Variants in ICAM1 observed in about 807,000 individuals in gnomAD.
The protein encoded by ICAM1 is intercellular adhesion molecule 1.
Under a neutral mutation model 42.3 loss-of-function variants are expected in ICAM1, and 28 were observed. The observed-to-expected ratio is 0.66, with a 90% CI of 0.49 to 0.91. The LOEUF (loss-of-function observed/expected upper bound fraction) is 0.91. Ranked by LOEUF, ICAM1 falls within the 40% of genes least tolerant of loss-of-function variation. The probability of loss-of-function intolerance (pLI) is 0.00; values close to 1 mark genes in which losing one functional copy is unlikely to be tolerated. For synonymous variants in ICAM1, 304 were observed against 305.9 expected, an observed-to-expected ratio of 0.99 and a Z score of 0.07; for missense variants, 637 against 688.6, an observed-to-expected ratio of 0.93 and a Z score of 0.84.
chr19:10,277,463 C>A (rs5030357), intron 2 of ICAM1, among the ~76,000 whole-genome samples: 8 of 149,518 alleles, frequency 5.4e-5, no homozygotes, highest in Non-Finnish European at 8.9e-5. Flanking sequence ...ACAACGTGAG[C>A]CACTTTGCCT....
At chr19:10,275,864 T>C (rs1485571067) in intron 2 of ICAM1, among the ~76,000 whole-genome samples, 5 of 151,562 alleles carry the variant, frequency 3.3e-5, no homozygotes, top group Admixed American at 6.6e-5. Context: ...CCTGCCACCA[T>C]GCCCGGCTCA....
chr19:10,272,946 G>A (rs2039992796), intron 1 of ICAM1, among the ~76,000 whole-genome samples: 1 of 152,082 alleles, frequency 6.6e-6, no homozygotes, highest in Non-Finnish European at 1.5e-5. Context: ...TTACAGATGG[G>A]GAAATTGAGG....
At chr19:10,274,463 TC>T (rs2040002841) in intron 1 of ICAM1, among the ~76,000 whole-genome samples, 1 of 152,124 alleles carries the variant, frequency 6.6e-6, no homozygotes, top group Admixed American at 6.6e-5. Context: ...TACAGGCACG[TC>T]CCACCATGCC....
At chr19:10,274,701 G>A in intron 1 of ICAM1, 64 bp from the exon 2 acceptor site, 1 of 1,563,684 alleles carries the variant, frequency 6.4e-7, no homozygotes, top group Non-Finnish European at 8.7e-7. Flanking sequence ...GCACAGGCTG[G>A]GCGCACATTC....
chr19:10,285,114 G>A lies in ICAM1; in HGVS notation c.1427-1G>A, dbSNP rs2145501577. On this transcript the variant is annotated splice_acceptor_variant, in intron 6 of 6. Transcript: ENST00000264832. LOFTEE classifies it high-confidence loss of function. ...CACCGCCTGTTGTATCCTCCCCACA[G>A]CCCCCCGGTATGAGATTGTCATCAT... 1 of 1,614,038 alleles carries A rather than the reference G, an allele frequency of 6.2e-7. No homozygotes were observed. Among genetic ancestry groups the A allele is most frequent in the East Asian group, 2.2e-5 (1 of 44,878 alleles).
At chr19:10,281,119 C>T (rs896922037) in intron 2 of ICAM1, among the ~76,000 whole-genome samples, 119 of 149,978 alleles carry the variant, frequency 7.9e-4, no homozygotes, top group Middle Eastern at 3.5e-3. Flanking sequence ...GTGATCCGCC[C>T]GCCTTGGCCT....
Position 10,271,180 on chromosome 19 carries a change from G to C in ICAM1, c.21G>C (p.Arg7=). The C allele has an allele frequency of 6.2e-7, 1 of 1,613,110 alleles. No individual in the cohort carries two copies. The highest frequency in any genetic ancestry group is 8.5e-7 in the Non-Finnish European group (1 of 1,179,782). The change falls in exon 1 of 7, where the codon CGG becomes CGC. Residue 7 remains arginine (R), a synonymous_variant. Transcript: ENST00000264832. MAPSSP[R]PALPALLVLL... ...TCGCTATGGCTCCCAGCAGCCCCCG[G>C]CCCGCGCTGCCCGCACTCCTGGTCC...
At chr19:10,283,457 A>T in intron 2 of ICAM1, 24 bp from the exon 3 acceptor site, 1 of 1,522,728 alleles carries the variant, frequency 6.6e-7, no homozygotes. Flanking sequence ...TTCACCAGAC[A>T]CCCCCACCTC....
Position 10,273,362 on chromosome 19 carries a change from CAT to C in ICAM1, c.68-1402_68-1401del, listed in dbSNP as rs1260599397. Among the ~76,000 whole-genome samples, 6 of 152,162 alleles carry C rather than the reference CAT, an allele frequency of 3.9e-5. No homozygotes were observed. In the East Asian group the frequency reaches 1.2e-3, roughly 29 times the overall value. The stretch of plus-strand genomic sequence containing the variant: ...ACAAAATTACCCGGGCGTGGTGGCG[CAT>C]GCCTGTAATCCCAGCTACTCGGGAG... On this transcript the variant is annotated intron_variant, in intron 1 of 6. Coordinates refer to ENST00000264832, the MANE Select transcript of ICAM1 (RefSeq NM_000201.3).
At position 10,284,984 on chromosome 19, in the gene ICAM1, G is replaced by C. The variant is rs1389840786; in HGVS notation, c.1382G>C (p.Ser461Thr). ...LEGTYLCRAR[S>T]TQGEVTRKVT... is the part of the protein sequence containing the mutation. The stretch of plus-strand genomic sequence containing the variant: ...GGCACCTACCTCTGTCGGGCCAGGA[G>C]CACTCAAGGGGAGGTCACCCGCAAG... The change falls in exon 6 of 7, where the codon AGC (serine) becomes ACC (threonine). Residue 461 changes from serine to threonine, a missense_variant. Ser to Thr is a moderately conservative substitution (Grantham distance 58). Coordinates refer to ENST00000264832, the MANE Select transcript of ICAM1 (RefSeq NM_000201.3). The surrounding 1 kb of genome is among the most constrained non-coding windows in gnomAD (Gnocchi z 5.4). The C allele has an allele frequency of 1.2e-6, 2 of 1,612,730 alleles. No individual in the cohort carries two copies. The highest frequency in any genetic ancestry group is 1.7e-6 in the Non-Finnish European group (2 of 1,179,340).
At chr19:10,272,560 CTTTTTTT>C (rs1174775027) in intron 1 of ICAM1, among the ~76,000 whole-genome samples, 3 of 56,132 alleles carry the variant, frequency 5.3e-5, no homozygotes, top group East Asian at 4.1e-4. Flanking sequence ...CTTTTCTTTT[CTTTTTTT>C]TTTTTTTTTT....
At chr19:10,278,570 TTC>T (rs757187175) in intron 2 of ICAM1, among the ~76,000 whole-genome samples, 6,978 of 94,842 alleles carry the variant, frequency 0.074, 2,256 homozygotes, top group African/African-American at 0.11. Flanking sequence ...TTTTTTTTTT[TTC>T]TTTTTTTTGA....
intron 1 of ICAM1, among the ~76,000 whole-genome samples, chr19:10,273,423 C>T (rs533124700): frequency 4.0e-5 from 6 of 151,010 alleles, no homozygotes; most frequent in South Asian, 2.1e-4. Flanking sequence ...ACCTGGGAGG[C>T]GGAGGTTGCG....
intron 2 of ICAM1, among the ~76,000 whole-genome samples, chr19:10,278,308 G>A (rs540151444): frequency 6.6e-6 from 1 of 152,284 alleles, no homozygotes; most frequent in Non-Finnish European, 1.5e-5. Flanking sequence ...AATCAGGTGA[G>A]ACCTCCTCTG....
In ICAM1 at chr19:10,285,593, A is replaced by G. The variant is rs560202753; in HGVS notation, c.*306A>G. 3.0e-5 allele frequency: 10 copies of G among 335,056 alleles called. No homozygotes were observed. The East Asian group carries it at 5.6e-4, about 19-fold the overall frequency. The allele number at this position is 335,056 out of a possible 1,614,324, so 20.8% of individuals were successfully genotyped here. A position where few individuals can be genotyped will look rare whatever the true frequency, so the allele number is the denominator to read the frequency against. Reference sequence around the variant, plus strand: ...TGAGAGGGGAAGTGGTGGGGGAGACATAGCCCCACCATGAGGACATACAAC... The same window carrying G: ...TGAGAGGGGAAGTGGTGGGGGAGACGTAGCCCCACCATGAGGACATACAAC... On this transcript the variant is annotated 3_prime_UTR_variant, in exon 7 of 7. Coordinates refer to ENST00000264832, the MANE Select transcript of ICAM1 (RefSeq NM_000201.3).
chr19:10,285,315 C>T lies in ICAM1; in HGVS notation c.*28C>T, dbSNP rs746085200. On this transcript the variant is annotated 3_prime_UTR_variant, in exon 7 of 7. Coordinates refer to ENST00000264832, the MANE Select transcript of ICAM1 (RefSeq NM_000201.3). ...CTATCCCGGGACAGGGCCTCTTCCT[C>T]GGCCTTCCCATATTGGTGGCAGTGG... 3.4e-5 allele frequency: 55 copies of T among 1,605,976 alleles called. 1 individual carries two copies. Among genetic ancestry groups the T allele is most frequent in the African/African-American group, 1.5e-4 (11 of 74,710 alleles).
intron 2 of ICAM1, 58 bp downstream of exon 2, chr19:10,275,086 G>T: frequency 6.4e-7 from 1 of 1,567,338 alleles, no homozygotes. Context: ...AGACGTGCAG[G>T]GGCACCTGCA....
intron 2 of ICAM1, among the ~76,000 whole-genome samples, chr19:10,281,897 C>T (rs559085416): frequency 1.2e-4 from 19 of 152,048 alleles, no homozygotes; most frequent in Non-Finnish European, 2.2e-4. Flanking sequence ...CACAACACCA[C>T]GCCTGGCTAA....
chr19:10,274,835 G>A lies in ICAM1; in HGVS notation c.138G>A (p.Val46=), dbSNP rs151201212. The A allele has an allele frequency of 2.2e-4, 351 of 1,614,078 alleles. 2 individuals are homozygous for A. Among genetic ancestry groups the A allele is most frequent in the Middle Eastern group, 1.6e-4 (1 of 6,084 alleles). ...TGCCCCGGGGAGGCTCCGTGCTGGT[G>A]ACATGCAGCACCTCCTGTGACCAGC... ...VILPRGGSVL[V]TCSTSCDQPK... is the part of the protein sequence containing the mutation. Residue 46 remains valine, a synonymous_variant, in exon 2 of 7, where the codon GTG becomes GTA. Coordinates refer to ENST00000264832, the MANE Select transcript of ICAM1 (RefSeq NM_000201.3).
Sources: allele counts gnomAD v4.1 joint callset (sites outside exome capture counted in the v4.1 genomes callset), GRCh38; gene constraint gnomAD v4.1.1; non-coding constraint Gnocchi (gnomAD v3.1); transcripts MANE v1.5; gene names NCBI Gene and HGNC (gene_info 2026-07-23, HGNC 2026-07-21).